RBMS3: variants seen among roughly 807,000 people sequenced by gnomAD.
The protein encoded by RBMS3 is RNA binding motif single stranded interacting protein 3, also known as RNA-binding motif, single-stranded-interacting protein 3.
RBMS3 carries 27 observed loss-of-function variants against 66.8 expected under a neutral mutation model. The ratio of observed to expected loss-of-function variants is 0.40; its 90% CI spans 0.30 to 0.56. The LOEUF is 0.56. Ranked by LOEUF, RBMS3 falls within the 20% of genes least tolerant of loss-of-function variation. The probability of loss-of-function intolerance (pLI) is 0.40; values close to 1 mark genes in which losing one functional copy is unlikely to be tolerated. For missense variants in RBMS3, 513 were observed against 549.5 expected (o/e 0.93, Z 0.66); for synonymous variants, 188 against 183.0 (o/e 1.03, Z -0.22).
At chr3:29,515,880 A>G (rs1297287830) in intron 3 of RBMS3, among the ~76,000 whole-genome samples, 6 of 152,252 alleles carry the variant, frequency 3.9e-5, no homozygotes, top group Admixed American at 1.3e-4. Context: ...CCAAACTGTA[A>G]CATGGTCGTG....
intron 4 of RBMS3, among the ~76,000 whole-genome samples, chr3:29,645,066 G>A (rs1276719055): frequency 6.6e-6 from 1 of 152,000 alleles, no homozygotes; most frequent in Non-Finnish European, 1.5e-5. Context: ...CATCTATTAG[G>A]GTATCATTGT....
chr3:29,678,778 A>G (rs1241500151), intron 4 of RBMS3, among the ~76,000 whole-genome samples: 4 of 152,148 alleles, frequency 2.6e-5, no homozygotes, highest in African/African-American at 9.7e-5. Flanking sequence ...TGAAGGGGGA[A>G]GAAGTTTATA....
At chr3:29,331,256 C>A (rs1220117911) in intron 1 of RBMS3, among the ~76,000 whole-genome samples, 2 of 152,104 alleles carry the variant, frequency 1.3e-5, no homozygotes, top group East Asian at 3.9e-4. Context: ...TGCAGGCTAG[C>A]ACTAGTGACT....
chr3:29,645,392 C>T lies in RBMS3; in HGVS notation c.399+58187C>T, dbSNP rs569015522. On this transcript the variant is annotated intron_variant, in intron 4 of 14. Coordinates refer to ENST00000383767, the MANE Select transcript of RBMS3 (RefSeq NM_001003793.3). The stretch of plus-strand genomic sequence containing the variant: ...TCTTATTCATTCTCTGCCAGGGTGT[C>T]TGGTGCTGTCCAAGGAATGTCCCAG... Among the ~76,000 whole-genome samples the T allele has an allele frequency of 4.6e-5, 7 of 152,272 alleles. No individual in the cohort carries two copies. The South Asian group carries it at 1.4e-3, about 32-fold the overall frequency.
chr3:29,320,664 A>G (rs2034953941), intron 1 of RBMS3, among the ~76,000 whole-genome samples: 1 of 151,982 alleles, frequency 6.6e-6, no homozygotes, highest in Admixed American at 6.6e-5. Flanking sequence ...TTATTAGCAA[A>G]CTCATAACTT....
chr3:29,510,568 A>AT (rs111378775), intron 3 of RBMS3, among the ~76,000 whole-genome samples: 13,431 of 151,476 alleles, frequency 0.089, 978 homozygotes, highest in East Asian at 0.37. Context: ...CAGATTTCAG[A>AT]TTTTTTTTTC....
intron 6 of RBMS3, among the ~76,000 whole-genome samples, chr3:29,864,481 C>T (rs1446231715): frequency 6.6e-6 from 1 of 152,044 alleles, no homozygotes; most frequent in Non-Finnish European, 1.5e-5. Flanking sequence ...TCCATCAACA[C>T]ATCTTTTTGT....
chr3:29,689,726 T>A (rs2051892209), intron 4 of RBMS3, among the ~76,000 whole-genome samples: 1 of 151,760 alleles, frequency 6.6e-6, no homozygotes, highest in African/African-American at 2.4e-5. Flanking sequence ...CAAAAATAAC[T>A]TTTATTACAA....
intron 10 of RBMS3, among the ~76,000 whole-genome samples, chr3:29,925,531 C>T (rs1428419216): frequency 3.4e-4 from 52 of 152,096 alleles, no homozygotes; most frequent in Non-Finnish European, 1.2e-4. Flanking sequence ...TCATTTATAA[C>T]AAGGAGTTAT....
intron 3 of RBMS3, among the ~76,000 whole-genome samples, chr3:29,509,317 G>A (rs1238353223): frequency 6.6e-6 from 1 of 151,964 alleles, no homozygotes; most frequent in Admixed American, 6.6e-5. Flanking sequence ...TGTTCTCTTT[G>A]CCTGTAACGT....
Position 29,281,386 on chromosome 3 carries a change from C to T in RBMS3, c.-296C>T, listed in dbSNP as rs2031758082. On this transcript the variant is annotated 5_prime_UTR_variant, in exon 1 of 15. Coordinates refer to ENST00000383767, the MANE Select transcript of RBMS3 (RefSeq NM_001003793.3). The stretch of plus-strand genomic sequence containing the variant: ...CTGGTTAGAGAACAAACTGCCTCAT[C>T]CCAAGTGGACCCCGGCAGCTGGGGG... 6 of 465,468 alleles carry T rather than the reference C, an allele frequency of 1.3e-5. No homozygotes were observed. In the East Asian group the frequency reaches 2.5e-4, roughly 19 times the overall value. The allele number at this position is 465,468 out of a possible 1,614,324, so 28.8% of individuals were successfully genotyped here. A position where few individuals can be genotyped will look rare whatever the true frequency, so the allele number is the denominator to read the frequency against.
At chr3:29,985,470 T>C (rs201067809) in intron 12 of RBMS3, among the ~76,000 whole-genome samples, 1 of 151,946 alleles carries the variant, frequency 6.6e-6, no homozygotes, top group East Asian at 1.9e-4. Context: ...CCCAGGGCCC[T>C]AGTGGTGTAG....
intron 6 of RBMS3, among the ~76,000 whole-genome samples, chr3:29,814,067 A>C (rs1460719148): frequency 1.3e-5 from 2 of 151,862 alleles, no homozygotes; most frequent in African/African-American, 4.9e-5. Context: ...CCAGTTTTCA[A>C]AGGGAATGCT....
intron 1 of RBMS3, among the ~76,000 whole-genome samples, chr3:29,413,555 T>C (rs181772026): frequency 2.8e-4 from 42 of 152,344 alleles, no homozygotes; most frequent in Non-Finnish European, 5.1e-4. Flanking sequence ...TCTAGTTTTA[T>C]TTAATAGTTA....
intron 3 of RBMS3, among the ~76,000 whole-genome samples, chr3:29,565,948 A>G (rs1463073156): frequency 6.6e-6 from 1 of 152,116 alleles, no homozygotes; most frequent in Non-Finnish European, 1.5e-5. Flanking sequence ...TTATAATATA[A>G]AAGTATTTTA....
chr3:29,572,073 A>T (rs748131631), intron 3 of RBMS3, among the ~76,000 whole-genome samples: 2 of 151,796 alleles, frequency 1.3e-5, no homozygotes, highest in Non-Finnish European at 2.9e-5. Flanking sequence ...TCTTTTTCAG[A>T]TTGTTCCCTG....
At chr3:29,385,624 C>T (rs2038977577) in intron 1 of RBMS3, among the ~76,000 whole-genome samples, 1 of 152,126 alleles carries the variant, frequency 6.6e-6, no homozygotes, top group Non-Finnish European at 1.5e-5. Flanking sequence ...GACTCACTAC[C>T]TCTCCTTACT....
intron 4 of RBMS3, among the ~76,000 whole-genome samples, chr3:29,717,466 T>A (rs1395478087): frequency 5.3e-5 from 8 of 152,236 alleles, no homozygotes; most frequent in African/African-American, 1.9e-4. Flanking sequence ...CTACCCCAAC[T>A]AGTGCTAAAA....
intron 3 of RBMS3, among the ~76,000 whole-genome samples, chr3:29,510,054 G>T (rs1326287017): frequency 6.6e-6 from 1 of 152,214 alleles, no homozygotes; most frequent in African/African-American, 2.4e-5. Flanking sequence ...ATTTATCACA[G>T]AGATGGAATA....
Sources: allele counts gnomAD v4.1 joint callset (sites outside exome capture counted in the v4.1 genomes callset), GRCh38; gene constraint gnomAD v4.1.1; transcripts MANE v1.5; gene names NCBI Gene and HGNC (gene_info 2026-07-23, HGNC 2026-07-21).